Variants in KCNMA1 observed in about 807,000 individuals in gnomAD.
KCNMA1 encodes the protein Calcium-activated potassium channel subunit alpha-1.
A neutral mutation model predicts 140.0 loss-of-function variants in KCNMA1; 29 were observed. The ratio of observed to expected loss-of-function variants is 0.21; its 90% CI spans 0.15 to 0.28. The LOEUF (loss-of-function observed/expected upper bound fraction) is 0.28. Among genes scored for constraint, KCNMA1 ranks in the 10% least tolerant of loss-of-function variants. The pLI, the probability that KCNMA1 is intolerant of heterozygous loss-of-function variation, is 1.00. For synonymous variants in KCNMA1, 612 were observed against 611.9 expected (o/e 1.00, Z 0.00); for missense variants, 880 against 1,602.2 (o/e 0.55, Z 7.70).
intron 1 of KCNMA1, among the ~76,000 whole-genome samples, chr10:77,483,547 A>T (rs760767966): frequency 1.3e-5 from 2 of 152,190 alleles, no homozygotes; most frequent in Non-Finnish European, 2.9e-5. Context: ...ACCTGGCTCT[A>T]TCTTGCTCTA....
intron 1 of KCNMA1, among the ~76,000 whole-genome samples, chr10:77,542,259 A>C (rs1470131456): frequency 6.6e-6 from 1 of 152,228 alleles, no homozygotes. Context: ...AGGCATTTTT[A>C]TTATATCAAC....
intron 1 of KCNMA1, among the ~76,000 whole-genome samples, chr10:77,538,697 A>T (rs1354446910): frequency 6.6e-6 from 1 of 151,420 alleles, no homozygotes; most frequent in African/African-American, 2.4e-5. Context: ...CCCCTCCCCC[A>T]CCTTGGTCCC....
intron 27 of KCNMA1, 40 bp from the exon 28 acceptor site, chr10:76,887,555 C>G: frequency 6.2e-7 from 1 of 1,612,592 alleles, no homozygotes; most frequent in Non-Finnish European, 8.5e-7. Flanking sequence ...CTGAGAGTAA[C>G]TGAGTAAAGA....
At chr10:77,297,471 G>T (rs550114858) in intron 2 of KCNMA1, among the ~76,000 whole-genome samples, 5 of 152,262 alleles carry the variant, frequency 3.3e-5, no homozygotes, top group East Asian at 1.9e-4. Flanking sequence ...TCAAGTAACA[G>T]CTTTGCCCTA....
chr10:76,949,804 A>G (rs2065575026), intron 21 of KCNMA1, among the ~76,000 whole-genome samples: 1 of 152,214 alleles, frequency 6.6e-6, no homozygotes. Flanking sequence ...TAAAATGGTC[A>G]GATGCCTGCA....
rs2093781496 is a variant in KCNMA1 at position 77,636,711 on chromosome 10, A to C, written c.378+554T>G. On this transcript the variant is annotated intron_variant, in intron 1 of 27. Transcript: ENST00000286628. ...CGAAGTCCCCCTGTTATCTCGGGCCATGCTCCTCCCCCGGGATTCCCTTGT... is the reference window on the plus strand; with the variant it reads ...CGAAGTCCCCCTGTTATCTCGGGCCCTGCTCCTCCCCCGGGATTCCCTTGT... 2.6e-6 allele frequency: 4 copies of C among 1,517,986 alleles called. No individual in the cohort carries two copies. The African/African-American group carries it at 5.5e-5, about 21-fold the overall frequency. 94.0% of individuals were successfully genotyped at this position (1,517,986 alleles called of 1,614,324 possible). A position where few individuals can be genotyped will look rare whatever the true frequency, so the allele number is the denominator to read the frequency against.
chr10:76,906,173 A>C (rs1477803859), intron 25 of KCNMA1, among the ~76,000 whole-genome samples: 1 of 151,924 alleles, frequency 6.6e-6, no homozygotes. Flanking sequence ...TCAGGGTCCA[A>C]GTGGAGCTTA....
At chr10:77,539,373 T>G (rs2059653225) in intron 1 of KCNMA1, among the ~76,000 whole-genome samples, 2 of 152,196 alleles carry the variant, frequency 1.3e-5, no homozygotes, top group South Asian at 4.1e-4. Flanking sequence ...CTAAAATACC[T>G]GCAATTCTAG....
chr10:77,484,225 G>A (rs533575969), intron 1 of KCNMA1, among the ~76,000 whole-genome samples: 8 of 152,376 alleles, frequency 5.3e-5, no homozygotes, highest in African/African-American at 1.9e-4. Context: ...GTTTTACAAA[G>A]TGCAAAGCAC....
At chr10:77,300,953 G>T (rs777741379) in intron 2 of KCNMA1, among the ~76,000 whole-genome samples, 28 of 152,144 alleles carry the variant, frequency 1.8e-4, no homozygotes, top group Non-Finnish European at 3.2e-4. Flanking sequence ...TCCATTAATG[G>T]AAGTGAGGCC....
At position 77,108,905 on chromosome 10, in the gene KCNMA1, TAAACACACAC is replaced by T; in HGVS notation, c.1132-343_1132-334del. Among the ~76,000 whole-genome samples the T allele has an allele frequency of 6.6e-6, 1 of 152,182 alleles. No homozygotes were observed. Among genetic ancestry groups the T allele is most frequent in the East Asian group, 1.9e-4 (1 of 5,178 alleles). On this transcript the variant is annotated intron_variant, in intron 8 of 27. Transcript: ENST00000286628. This position sits in a 1 kb window ranked among gnomAD's most constrained non-coding sequence, Gnocchi z 4.6. ...CAAGAGGGGGACATGCTAGTGAAAC[TAAACACACAC>T]AGACACATGTGTGCATGCACAGACA... is the stretch of plus-strand genomic sequence containing the variant.
intron 20 of KCNMA1, among the ~76,000 whole-genome samples, chr10:76,960,850 T>G (rs10762742): frequency 6.6e-6 from 1 of 151,544 alleles, no homozygotes; most frequent in Non-Finnish European, 1.5e-5. Flanking sequence ...CATGATCTAC[T>G]GAATATTTTA....
At chr10:77,279,966 C>A (rs2067924471) in intron 2 of KCNMA1, among the ~76,000 whole-genome samples, 1 of 152,172 alleles carries the variant, frequency 6.6e-6, no homozygotes, top group Non-Finnish European at 1.5e-5. Context: ...TCAGTTATAT[C>A]TTTATCAGCA....
At chr10:76,896,359 T>A (rs960419870) in intron 25 of KCNMA1, among the ~76,000 whole-genome samples, 1 of 152,208 alleles carries the variant, frequency 6.6e-6, no homozygotes, top group Non-Finnish European at 1.5e-5. Context: ...TTTAAGGTTA[T>A]CTCCCTTGTT....
chr10:77,266,079 C>CA (rs71975813), intron 2 of KCNMA1, among the ~76,000 whole-genome samples: 65,584 of 137,374 alleles, frequency 0.48, 16,739 homozygotes, highest in African/African-American at 0.67. Context: ...GAAAACCTGC[C>CA]AAAAAAAAAA....
intron 1 of KCNMA1, among the ~76,000 whole-genome samples, chr10:77,499,422 T>TATATATATATAC (rs1390141467): frequency 1.6e-4 from 17 of 105,584 alleles, no homozygotes; most frequent in Admixed American, 6.9e-4. Context: ...TATATATATA[T>TATATATATATAC]ACACACACAC....
intron 3 of KCNMA1, among the ~76,000 whole-genome samples, chr10:77,222,024 G>T (rs2049870230): frequency 6.6e-6 from 1 of 152,080 alleles, no homozygotes; most frequent in Non-Finnish European, 1.5e-5. Flanking sequence ...CTTCAGTACA[G>T]GATTATTGGG....
chr10:77,105,507 G>C (rs534234181), intron 9 of KCNMA1, among the ~76,000 whole-genome samples: 5 of 152,288 alleles, frequency 3.3e-5, no homozygotes, highest in African/African-American at 1.2e-4. Flanking sequence ...TATATTGTTA[G>C]AGAAATCATT....
intron 1 of KCNMA1, among the ~76,000 whole-genome samples, chr10:77,426,850 G>A (rs2097011742): frequency 6.6e-6 from 1 of 152,170 alleles, no homozygotes; most frequent in Non-Finnish European, 1.5e-5. Context: ...TCCTTCCAGG[G>A]CCACGCTTTC....
Sources: gnomAD v4.1 joint callset for allele counts (sites outside exome capture counted in the v4.1 genomes callset) on GRCh38, gnomAD v4.1.1 for gene constraint, Gnocchi (gnomAD v3.1) non-coding constraint, MANE v1.5 for transcripts, NCBI Gene and HGNC (gene_info 2026-07-23, HGNC 2026-07-21) for gene names.